The following TFCP2L1 variants were observed in gnomAD, a reference collection of about 807,000 sequenced individuals.
TFCP2L1 encodes the protein transcription factor CP2 like 1.
A neutral mutation model predicts 72.2 loss-of-function variants in TFCP2L1; 12 were observed. The observed-to-expected ratio is 0.17, with a 90% CI of 0.11 to 0.27. The LOEUF is 0.27. Among genes scored for constraint, TFCP2L1 ranks in the 10% least tolerant of loss-of-function variants. The pLI, the probability that TFCP2L1 is intolerant of heterozygous loss-of-function variation, is 1.00. For synonymous variants in TFCP2L1, 260 were observed against 251.0 expected (o/e 1.04, Z -0.34); for missense variants, 488 against 624.6 (o/e 0.78, Z 2.33).
intron 2 of TFCP2L1, among the ~76,000 whole-genome samples, chr2:121,264,513 G>C (rs1249417242): frequency 2.6e-5 from 4 of 152,194 alleles, no homozygotes; most frequent in African/African-American, 7.2e-5. Context: ...CCCCTCCTGG[G>C]AGTGCAGAAT....
chr2:121,242,780 A>T (rs908191703), intron 6 of TFCP2L1, among the ~76,000 whole-genome samples: 6 of 152,208 alleles, frequency 3.9e-5, no homozygotes, highest in Non-Finnish European at 8.8e-5. Context: ...GGGAGAGCAG[A>T]GGAAAGTGGA....
intron 2 of TFCP2L1, among the ~76,000 whole-genome samples, chr2:121,259,242 C>T (rs1271591028): frequency 6.6e-6 from 1 of 151,256 alleles, no homozygotes. Context: ...GAGATTGCAT[C>T]ACTGCACTCC....
chr2:121,227,818 T>C (rs865913945), intron 13 of TFCP2L1, among the ~76,000 whole-genome samples: 1 of 152,116 alleles, frequency 6.6e-6, no homozygotes, highest in African/African-American at 2.4e-5. Context: ...TATGGCCTGC[T>C]CTGGATTACT....
chr2:121,239,993 C>T (rs1686334644), intron 7 of TFCP2L1: 1 of 969,010 alleles, frequency 1.0e-6, no homozygotes, highest in Non-Finnish European at 1.2e-6. Flanking sequence ...TGTTCACAAA[C>T]AGCTTTTCCT....
chr2:121,242,554 A>G (rs1322841755), intron 6 of TFCP2L1, 85 bp from the exon 7 acceptor site: 1 of 1,293,240 alleles, frequency 7.7e-7, no homozygotes, highest in Non-Finnish European at 1.1e-6. Context: ...CACCTCACCC[A>G]GGGCCCCAGG....
At chr2:121,243,961 C>T (rs1686430574) in intron 6 of TFCP2L1, among the ~76,000 whole-genome samples, 1 of 152,158 alleles carries the variant, frequency 6.6e-6, no homozygotes, top group Admixed American at 6.5e-5. Context: ...AAGGTTGGGG[C>T]CCCGCTGCCT....
At chr2:121,272,739 C>A (rs1687069592) in intron 2 of TFCP2L1, among the ~76,000 whole-genome samples, 1 of 152,110 alleles carries the variant, frequency 6.6e-6, no homozygotes, top group Non-Finnish European at 1.5e-5. Context: ...TGCTATGTGC[C>A]CGGCATTTCA....
In TFCP2L1 at chr2:121,218,816, T is replaced by C. The variant is rs530836762; in HGVS notation, c.*5525A>G. 2.6e-5 allele frequency: 4 copies of C among 152,140 alleles called. No homozygotes were observed. The highest frequency in any genetic ancestry group is 7.3e-5 in the African/African-American group (3 of 41,378). 9.4% of individuals were successfully genotyped at this position (152,140 alleles called of 1,614,324 possible). A position where few individuals can be genotyped will look rare whatever the true frequency, so the allele number is the denominator to read the frequency against. ...CCTCAGATCTGTTAGCTGTGACCCA[T>C]AGATTGGGGGAGGGAGGAAAGCCAG... is the stretch of plus-strand genomic sequence containing the variant. On this transcript the variant is annotated 3_prime_UTR_variant, in exon 15 of 15. Coordinates refer to ENST00000263707, the MANE Select transcript of TFCP2L1 (RefSeq NM_014553.3).
At chr2:121,237,375 A>T (rs72961396) in intron 10 of TFCP2L1, among the ~76,000 whole-genome samples, 1,943 of 152,220 alleles carry the variant, frequency 0.013, 50 homozygotes, top group African/African-American at 0.044. Context: ...AGGTGAGGAG[A>T]TCTTGACCAA....
At chr2:121,242,563 G>A (rs1686399060) in intron 6 of TFCP2L1, 94 bp from the exon 7 acceptor site, 2 of 1,235,308 alleles carry the variant, frequency 1.6e-6, no homozygotes, top group Non-Finnish European at 1.2e-6. Flanking sequence ...CAGGGCCCCA[G>A]GGCGCAGGGA....
chr2:121,239,728 G>T, intron 7 of TFCP2L1, 79 bp from the exon 8 acceptor site: 1 of 1,363,160 alleles, frequency 7.3e-7, no homozygotes. Flanking sequence ...AAGCAGGCAT[G>T]CACTGACACC....
At chr2:121,247,676 GA>G (rs1223098067) in intron 5 of TFCP2L1, among the ~76,000 whole-genome samples, 1 of 152,090 alleles carries the variant, frequency 6.6e-6, no homozygotes, top group East Asian at 1.9e-4. Flanking sequence ...AAGAGGCTCA[GA>G]AAGGGGAGGA....
chr2:121,273,918 C>T (rs941119353), intron 2 of TFCP2L1, among the ~76,000 whole-genome samples: 2 of 151,942 alleles, frequency 1.3e-5, no homozygotes, highest in African/African-American at 4.8e-5. Flanking sequence ...CATGGCTAAA[C>T]CCGGTCTCTA....
At chr2:121,243,715 T>TGA (rs1349670210) in intron 6 of TFCP2L1, among the ~76,000 whole-genome samples, 1 of 151,528 alleles carries the variant, frequency 6.6e-6, no homozygotes, top group African/African-American at 2.4e-5. Flanking sequence ...TGATGATGGG[T>TGA]GACTGTCCTC....
chr2:121,260,576 C>A (rs1686812605), intron 2 of TFCP2L1, among the ~76,000 whole-genome samples: 1 of 152,212 alleles, frequency 6.6e-6, no homozygotes, highest in Non-Finnish European at 1.5e-5. Flanking sequence ...GCTCCACACA[C>A]CAAGTGACCT....
chr2:121,261,728 T>C (rs1005842219), intron 2 of TFCP2L1, among the ~76,000 whole-genome samples: 1 of 151,996 alleles, frequency 6.6e-6, no homozygotes, highest in Non-Finnish European at 1.5e-5. Flanking sequence ...TGGGCAAAGA[T>C]TGAGAGGGAA....
At chr2:121,256,139 C>T (rs1558739122) in intron 2 of TFCP2L1, among the ~76,000 whole-genome samples, 1 of 152,192 alleles carries the variant, frequency 6.6e-6, no homozygotes, top group Non-Finnish European at 1.5e-5. Flanking sequence ...TGCCCCATGC[C>T]CTCAGCTCTC....
intron 2 of TFCP2L1, among the ~76,000 whole-genome samples, chr2:121,255,904 G>A (rs536426195): frequency 3.3e-5 from 5 of 152,056 alleles, no homozygotes; most frequent in African/African-American, 7.2e-5. Context: ...CACCTCGCCC[G>A]GCTAATTTTT....
At chr2:121,242,247 C>T (rs1194479916) in intron 7 of TFCP2L1, 112 bp downstream of exon 7, 16 of 862,642 alleles carry the variant, frequency 1.9e-5, no homozygotes, top group Admixed American at 1.1e-4. Context: ...ACAGAATAAG[C>T]ACTCTCAGAA....
Sources: allele counts gnomAD v4.1 joint callset (sites outside exome capture counted in the v4.1 genomes callset), GRCh38; gene constraint gnomAD v4.1.1; transcripts MANE v1.5; gene names NCBI Gene and HGNC (gene_info 2026-07-23, HGNC 2026-07-21).